BCAR3: variants seen among roughly 807,000 people sequenced by gnomAD.
BCAR3 encodes the protein breast cancer anti-estrogen resistance protein 3.
In BCAR3, 37 loss-of-function variants were observed where a neutral mutation model predicts 80.1. The observed-to-expected ratio is 0.46, with a 90% CI of 0.36 to 0.61. The LOEUF (loss-of-function observed/expected upper bound fraction) is 0.61, where lower values mean the gene tolerates loss of function less well. Among genes scored for constraint, BCAR3 ranks in the 20% least tolerant of loss-of-function variants. The pLI is 0.00. For synonymous variants in BCAR3, 389 were observed against 418.9 expected (o/e 0.93, Z 0.87); for missense variants, 978 against 1,068.2 (o/e 0.92, Z 1.18).
At position 93,627,518 on chromosome 1, in the gene BCAR3, A is replaced by G. The variant is rs151057422; in HGVS notation, c.357+14786T>C. Among the ~76,000 whole-genome samples the G allele has an allele frequency of 9.2e-5, 14 of 152,344 alleles. No homozygotes were observed. The East Asian group carries it at 2.7e-3, about 29-fold the overall frequency. ...TTGAGACTTCAACCAAAGTAACACA[A>G]AACAACAGAGTGAACACCGAAGCAA... On this transcript the variant is annotated intron_variant, in intron 3 of 11. Transcript: ENST00000260502.
rs1649063932 is a variant in BCAR3, at chr1:93,688,782, GT to G, written c.-11-13842del. ...GGCTAAGGTTTTTTTGTTTGTTTTT[GT>G]TTGTTTGTTTGTTTGTTTGTTTTTT... On this transcript the variant is annotated intron_variant, in intron 3 of 13. Coordinates refer to the BCAR3 transcript ENST00000370244. 6.8e-5 allele frequency among the ~76,000 whole-genome samples: 5 copies of G among 73,530 alleles called. No individual in the cohort carries two copies. In the African/African-American group the frequency reaches 1.1e-3, roughly 16 times the overall value. 48.2% of individuals were successfully genotyped at this position (73,530 alleles called of 152,430 possible).
intron 2 of BCAR3, among the ~76,000 whole-genome samples, chr1:93,718,085 C>T (rs1024591916): frequency 3.3e-5 from 5 of 152,056 alleles, no homozygotes; most frequent in African/African-American, 9.7e-5. Context: ...CTGGAAACTT[C>T]CTGCGTTCAC....
At chr1:93,665,453 T>G (rs909899610) in intron 2 of BCAR3, among the ~76,000 whole-genome samples, 2 of 152,070 alleles carry the variant, frequency 1.3e-5, no homozygotes, top group Admixed American at 1.3e-4. Context: ...TATCTATCCA[T>G]ATCCTATCTT....
chr1:93,805,608 A>T (rs1301978241), intron 2 of BCAR3, among the ~76,000 whole-genome samples: 1 of 152,134 alleles, frequency 6.6e-6, no homozygotes, highest in South Asian at 2.1e-4. Flanking sequence ...AAAAAGAATG[A>T]CTTATTGTCA....
chr1:93,577,902 G>GGGTC (rs1285318277), intron 7 of BCAR3, among the ~76,000 whole-genome samples: 1 of 152,214 alleles, frequency 6.6e-6, no homozygotes, highest in Non-Finnish European at 1.5e-5. Flanking sequence ...TGCCATGCCT[G>GGGTC]GGTCACTTCC....
At chr1:93,675,833 C>T (rs1648451636) in intron 1 of BCAR3, among the ~76,000 whole-genome samples, 1 of 151,152 alleles carries the variant, frequency 6.6e-6, no homozygotes, top group Non-Finnish European at 1.5e-5. Context: ...AGAGTCAGTG[C>T]CTCCAGCTCC....
intron 3 of BCAR3, among the ~76,000 whole-genome samples, chr1:93,617,269 G>A (rs1005665464): frequency 6.6e-6 from 1 of 152,190 alleles, no homozygotes; most frequent in African/African-American, 2.4e-5. Flanking sequence ...AGTGAGGTAG[G>A]CCCTCTCTCC....
At chr1:93,660,584 T>C (rs1647602472) in intron 2 of BCAR3, among the ~76,000 whole-genome samples, 2 of 152,212 alleles carry the variant, frequency 1.3e-5, no homozygotes, top group East Asian at 3.8e-4. Flanking sequence ...GTGCTTAGAT[T>C]AGCAGGTTAT....
At chr1:93,686,689 C>T (rs1488131916), upstream of BCAR3, among the ~76,000 whole-genome samples, 1 of 152,200 alleles carries the variant, frequency 6.6e-6, no homozygotes, top group Non-Finnish European at 1.5e-5. Context: ...CAAAGGTCTT[C>T]AGTCAGAGTG....
chr1:93,661,212 T>C (rs981624558), intron 2 of BCAR3, among the ~76,000 whole-genome samples: 1 of 152,146 alleles, frequency 6.6e-6, no homozygotes, highest in Admixed American at 6.5e-5. Context: ...GCTAATTTTA[T>C]AGTTTTAGTA....
At chr1:93,619,796 A>G (rs1675255303) in intron 3 of BCAR3, among the ~76,000 whole-genome samples, 1 of 152,198 alleles carries the variant, frequency 6.6e-6, no homozygotes, top group African/African-American at 2.4e-5. Context: ...TCCAAAACTG[A>G]GCTGTGAGAC....
intron 7 of BCAR3, among the ~76,000 whole-genome samples, chr1:93,579,617 T>C (rs1027641446): frequency 2.6e-5 from 4 of 152,092 alleles, no homozygotes; most frequent in Non-Finnish European, 4.4e-5. Context: ...CCAAAGGTAG[T>C]GGGCAGGTCC....
rs538518144 is a variant in BCAR3, at chr1:93,672,148, A to AAAC, written c.317+2463_317+2465dup. ...TTAAGTCTTCCACAGCCTGGACTTC[A>AAAC]AACTCAGGACCTGCACCCACCCTCC... is the stretch of plus-strand genomic sequence containing the variant. On this transcript the variant is annotated intron_variant, in intron 2 of 11. Coordinates refer to ENST00000260502, the MANE Select transcript of BCAR3 (RefSeq NM_003567.4). Among the ~76,000 whole-genome samples the AAAC allele has an allele frequency of 1.7e-4, 26 of 152,308 alleles. No homozygotes were observed. The South Asian group carries it at 5.4e-3, about 32-fold the overall frequency.
At chr1:93,637,748 C>T (rs1386386266) in intron 3 of BCAR3, among the ~76,000 whole-genome samples, 7 of 152,132 alleles carry the variant, frequency 4.6e-5, no homozygotes, top group African/African-American at 7.2e-5. Flanking sequence ...CCAATCAATA[C>T]GGCAATCTTA....
intron 2 of BCAR3, among the ~76,000 whole-genome samples, chr1:93,761,742 G>A (rs190450481): frequency 2.2e-4 from 33 of 152,162 alleles, no homozygotes; most frequent in Non-Finnish European, 3.5e-4. Flanking sequence ...ACATCCCCAG[G>A]CCACCTTCCT....
At chr1:93,686,448 T>C (rs1383464784), upstream of BCAR3, among the ~76,000 whole-genome samples, 1 of 152,168 alleles carries the variant, frequency 6.6e-6, no homozygotes, top group African/African-American at 2.4e-5. Context: ...TGATAACAAT[T>C]ACGATAACAT....
rs1054250800 is a variant in BCAR3 at position 93,674,771 on chromosome 1, TC to T, written c.159del (p.Lys54ArgfsTer8). On this transcript the variant is annotated frameshift_variant, in exon 2 of 12. Coordinates refer to ENST00000260502, the MANE Select transcript of BCAR3 (RefSeq NM_003567.4). LOFTEE classifies it high-confidence loss of function. ...QDVSIHGTLPRKKKGPPPIRS... is the reference protein window; with the variant it reads ...QDVSIHGTLPXKKKGPPPIRS... ...CTTATGGGAGGAGGACCTTTTTTCT[TC>T]CGTGGAAGGGTGCCATGTATAGACA... is the stretch of plus-strand genomic sequence containing the variant. The T allele has an allele frequency of 6.2e-7, 1 of 1,612,944 alleles. No homozygotes were observed. The highest frequency in any genetic ancestry group is 8.5e-7 in the Non-Finnish European group (1 of 1,179,728).
At chr1:93,619,813 C>T (rs1675256064) in intron 3 of BCAR3, among the ~76,000 whole-genome samples, 1 of 152,240 alleles carries the variant, frequency 6.6e-6, no homozygotes, top group African/African-American at 2.4e-5. Context: ...AGACAGACAC[C>T]TGCTTGTCTT....
At chr1:93,711,887 T>C (rs1241823790) in intron 2 of BCAR3, among the ~76,000 whole-genome samples, 1 of 152,120 alleles carries the variant, frequency 6.6e-6, no homozygotes, top group Admixed American at 6.5e-5. Flanking sequence ...TACTAGATGA[T>C]GAAAAAAATG....
Sources: allele counts gnomAD v4.1 joint callset (sites outside exome capture counted in the v4.1 genomes callset), GRCh38; gene constraint gnomAD v4.1.1; transcripts MANE v1.5; gene names NCBI Gene and HGNC (gene_info 2026-07-23, HGNC 2026-07-21).